Variants in SLC25A17 observed in about 807,000 individuals in gnomAD.
SLC25A17 encodes solute carrier family 25 member 17.
A neutral mutation model predicts 38.5 loss-of-function variants in SLC25A17; 26 were observed. That is an observed-to-expected ratio of 0.68 (90% CI 0.50 to 0.94). The LOEUF (loss-of-function observed/expected upper bound fraction) is 0.94. SLC25A17 is among the 40% of genes least tolerant of loss of function. The pLI, the probability that SLC25A17 is intolerant of heterozygous loss-of-function variation, is 0.00. For synonymous variants in SLC25A17, 139 were observed against 136.2 expected (o/e 1.02, Z -0.14); for missense variants, 333 against 372.7 (o/e 0.89, Z 0.88).
rs182864035 is a variant in SLC25A17, at chr22:40,813,670, G to A, written c.54+5525C>T. Among the ~76,000 whole-genome samples, 374 of 152,332 alleles carry A rather than the reference G, an allele frequency of 2.5e-3. 1 individual carries two copies. The highest frequency in any genetic ancestry group is 8.2e-3 in the African/African-American group (342 of 41,580). On this transcript the variant is annotated intron_variant, in intron 1 of 8. Transcript: ENST00000435456. ...ACCCAGGAGGCGGAGCTTGCAGTGA[G>A]CCGAGATCACGCCACTGCACTCCAG...
intron 4 of SLC25A17, among the ~76,000 whole-genome samples, chr22:40,784,786 A>C (rs1188837116): frequency 2.4e-5 from 1 of 41,360 alleles, no homozygotes; most frequent in Admixed American, 3.5e-4. Flanking sequence ...AACAACAACA[A>C]AAAAAAAAAA....
At chr22:40,801,167 A>ATATATATG (rs1306844315) in intron 1 of SLC25A17, among the ~76,000 whole-genome samples, 1 of 125,720 alleles carries the variant, frequency 8.0e-6, no homozygotes, top group Non-Finnish European at 1.7e-5. Flanking sequence ...ATATATATAT[A>ATATATATG]TGTAAATGAT....
At position 40,819,340 on chromosome 22, in the gene SLC25A17, G is replaced by A. The variant is rs747877867; in HGVS notation, c.-92C>T. ...AGGAGCACCGGAGCTCAGGGTGTGA[G>A]AGTCGCAATCCCCGCCCTCTCAAAC... On this transcript the variant is annotated 5_prime_UTR_variant, in exon 1 of 9. Transcript: ENST00000435456. The A allele has an allele frequency of 4.6e-4, 604 of 1,308,374 alleles. No individual in the cohort carries two copies. The highest frequency in any genetic ancestry group is 6.1e-4 in the Non-Finnish European group (584 of 959,522). 81.0% of individuals were successfully genotyped at this position (1,308,374 alleles called of 1,614,324 possible).
At chr22:40,792,938 A>G (rs1201334050) in intron 3 of SLC25A17, among the ~76,000 whole-genome samples, 1 of 152,214 alleles carries the variant, frequency 6.6e-6, no homozygotes, top group Non-Finnish European at 1.5e-5. Context: ...CTTTAGTAAC[A>G]TTGGTATATA....
chr22:40,807,632 C>T (rs1472690506), intron 1 of SLC25A17, among the ~76,000 whole-genome samples: 1 of 151,896 alleles, frequency 6.6e-6, no homozygotes, highest in African/African-American at 2.4e-5. Context: ...ACCTGTAGTC[C>T]CAGCTACTCA....
chr22:40,805,257 C>A (rs1415766941), intron 1 of SLC25A17, among the ~76,000 whole-genome samples: 1 of 152,202 alleles, frequency 6.6e-6, no homozygotes, highest in Non-Finnish European at 1.5e-5. Flanking sequence ...ATCGCTTGAA[C>A]CTGGGAGGCA....
At chr22:40,802,992 AC>A (rs1333637719) in intron 1 of SLC25A17, among the ~76,000 whole-genome samples, 4 of 152,216 alleles carry the variant, frequency 2.6e-5, no homozygotes. Flanking sequence ...CACACCCATT[AC>A]TTTAAACATC....
At chr22:40,797,623 C>T (rs1280018945) in intron 2 of SLC25A17, among the ~76,000 whole-genome samples, 1 of 152,096 alleles carries the variant, frequency 6.6e-6, no homozygotes, top group Non-Finnish European at 1.5e-5. Flanking sequence ...TATGACTCAT[C>T]CAGGAATGAC....
chr22:40,796,933 T>C (rs991178953), intron 2 of SLC25A17, among the ~76,000 whole-genome samples: 1 of 151,902 alleles, frequency 6.6e-6, no homozygotes, highest in Non-Finnish European at 1.5e-5. Flanking sequence ...TACTGTTAAG[T>C]GAAAAGTTCA....
intron 8 of SLC25A17, among the ~76,000 whole-genome samples, chr22:40,771,392 G>A (rs2057182170): frequency 6.6e-6 from 1 of 152,202 alleles, no homozygotes; most frequent in Non-Finnish European, 1.5e-5. Flanking sequence ...TTACAGGTGT[G>A]AGCCACCGTG....
rs370853145 is a variant in SLC25A17, at chr22:40,777,186, G to T, written c.597+42C>A. The stretch of plus-strand genomic sequence containing the variant: ...ATATCAATCAAGTCAACAAGAAGGT[G>T]TCAGACAGAATTATTTTACTGCTTT... On this transcript the variant is annotated intron_variant, in intron 6 of 8. Transcript: ENST00000435456. 4 of 1,613,376 alleles carry T rather than the reference G, an allele frequency of 2.5e-6. No individual in the cohort carries two copies. In the African/African-American group the frequency reaches 5.3e-5, roughly 22 times the overall value.
chr22:40,797,656 A>G (rs1019946544), intron 2 of SLC25A17, among the ~76,000 whole-genome samples: 16 of 152,254 alleles, frequency 1.1e-4, no homozygotes, highest in Admixed American at 7.9e-4. Context: ...AGGAAACATG[A>G]TATCTTCTAG....
Position 40,779,091 on chromosome 22 carries a change from C to G in SLC25A17, c.369G>C (p.Trp123Cys). ...VVNVLLTTPL[W>C]VVNTRLKLQG... ...GAAGCTTCAGTCTGGTGTTTACCAC[C>G]CAGAGTGGAGTTGTTAGCAACACAT... The change falls in exon 5 of 9, where the codon TGG (tryptophan) becomes TGC (cysteine). Residue 123 changes from tryptophan to cysteine, a missense_variant. By Grantham distance (215) the Trp-to-Cys change is radical (BLOSUM62 -2). Coordinates refer to ENST00000435456, the MANE Select transcript of SLC25A17 (RefSeq NM_006358.4). 1 of 1,614,128 alleles carries G rather than the reference C, an allele frequency of 6.2e-7. No individual in the cohort carries two copies. Among genetic ancestry groups the G allele is most frequent in the Non-Finnish European group, 8.5e-7 (1 of 1,180,012 alleles).
chr22:40,779,034 T>C lies in SLC25A17; in HGVS notation c.426A>G (p.Val142=), dbSNP rs1299746222. ...QGAKFRNEDI[V]PTNYKGIIDA... Reference sequence around the variant, plus strand: ...CAATGATACCTTTGTAGTTTGTTGGTACAATGTCTTCATTCCTAAATTTTG... The same window carrying C: ...CAATGATACCTTTGTAGTTTGTTGGCACAATGTCTTCATTCCTAAATTTTG... The change falls in exon 5 of 9, where the codon GTA becomes GTG. Residue 142 remains valine (V), a synonymous_variant. Coordinates refer to ENST00000435456, the MANE Select transcript of SLC25A17 (RefSeq NM_006358.4). 6.2e-7 allele frequency: 1 copy of C among 1,614,152 alleles called. No individual in the cohort carries two copies. The highest frequency in any genetic ancestry group is 1.1e-5 in the South Asian group (1 of 91,072).
At chr22:40,809,381 G>A (rs944779545) in intron 1 of SLC25A17, among the ~76,000 whole-genome samples, 1 of 151,810 alleles carries the variant, frequency 6.6e-6, no homozygotes, top group Non-Finnish European at 1.5e-5. Context: ...TTGGGAGGCC[G>A]AGGTGGGCGG....
intron 8 of SLC25A17, among the ~76,000 whole-genome samples, chr22:40,773,572 C>T (rs915980119): frequency 2.6e-5 from 4 of 152,134 alleles, no homozygotes; most frequent in Non-Finnish European, 5.9e-5. Context: ...TCCACTGCCC[C>T]CTCCCTTCTC....
chr22:40,774,009 T>C lies in SLC25A17; in HGVS notation c.704A>G (p.His235Arg), dbSNP rs766266595. 1 of 1,611,174 alleles carries C rather than the reference T, an allele frequency of 6.2e-7. No individual in the cohort carries two copies. The change falls in exon 8 of 9, where the codon CAT (histidine) becomes CGT (arginine). Residue 235 changes from histidine to arginine, a missense_variant. Transcript: ENST00000435456. ...TVQSILRFGR[H>R]RLNPENRTLG... Reference sequence around the variant, plus strand: ...TGTTCTGTTTTCTGGGTTTAGTCTATGACGCCCAAACTGAGGAAAGAGGGA... The same window carrying C: ...TGTTCTGTTTTCTGGGTTTAGTCTACGACGCCCAAACTGAGGAAAGAGGGA...
intron 2 of SLC25A17, chr22:40,797,329 G>A (rs2057439738): frequency 7.7e-7 from 1 of 1,300,410 alleles, no homozygotes; most frequent in African/African-American, 1.5e-5. Flanking sequence ...ATTTCAACTT[G>A]AACAAATCTG....
intron 8 of SLC25A17, 93 bp from the exon 9 acceptor site, chr22:40,771,074 AG>A: frequency 1.8e-6 from 2 of 1,121,094 alleles, no homozygotes. Context: ...CAAGCAATAG[AG>A]GTTTTAGATT....
Sources: gnomAD v4.1 joint callset for allele counts (sites outside exome capture counted in the v4.1 genomes callset) on GRCh38, gnomAD v4.1.1 for gene constraint, MANE v1.5 for transcripts, NCBI Gene and HGNC (gene_info 2026-07-23, HGNC 2026-07-21) for gene names.